Variants in RPS6KB1 observed in about 807,000 individuals in gnomAD.
The protein encoded by RPS6KB1 is ribosomal protein S6 kinase beta-1.
Under a neutral mutation model 70.2 loss-of-function variants are expected in RPS6KB1, and 12 were observed. The ratio of observed to expected loss-of-function variants is 0.17; its 90% CI spans 0.11 to 0.28. The LOEUF (loss-of-function observed/expected upper bound fraction) is 0.28, where lower values mean the gene tolerates loss of function less well. Among genes scored for constraint, RPS6KB1 ranks in the 10% least tolerant of loss-of-function variants. The probability of loss-of-function intolerance (pLI) is 1.00; values close to 1 mark genes in which losing one functional copy is unlikely to be tolerated. For missense variants in RPS6KB1, 270 were observed against 646.6 expected (o/e 0.42, Z 6.32); for synonymous variants, 175 against 211.2 (o/e 0.83, Z 1.49).
At chr17:59,894,423 T>G (rs776445387) in intron 1 of RPS6KB1, among the ~76,000 whole-genome samples, 2 of 152,184 alleles carry the variant, frequency 1.3e-5, no homozygotes, top group African/African-American at 4.8e-5. Flanking sequence ...GTTGAATACA[T>G]GGGTTAATGA....
At chr17:59,916,169 C>G (rs2042951718) in intron 4 of RPS6KB1, among the ~76,000 whole-genome samples, 1 of 151,960 alleles carries the variant, frequency 6.6e-6, no homozygotes, top group Admixed American at 6.6e-5. Flanking sequence ...GGCGTGATCT[C>G]AGCTCACTGC....
chr17:59,905,372 C>A (rs186733252), intron 1 of RPS6KB1, among the ~76,000 whole-genome samples: 2 of 152,018 alleles, frequency 1.3e-5, no homozygotes, highest in African/African-American at 2.4e-5. Flanking sequence ...TTCAGTAAAT[C>A]GATTTATTGA....
chr17:59,912,670 G>T lies in RPS6KB1; in HGVS notation c.192-14G>T. The T allele has an allele frequency of 1.2e-6, 2 of 1,602,954 alleles. No individual in the cohort carries two copies. The highest frequency in any genetic ancestry group is 2.2e-5 in the South Asian group (2 of 89,548). ...TTTTTGCAAATTTATTTTTGGTTTT[G>T]CTTTTCTTCCCAGTGGCATGGAACA... is the stretch of plus-strand genomic sequence containing the variant. On this transcript the variant is annotated splice_polypyrimidine_tract_variant and intron_variant, in intron 2 of 14. Transcript: ENST00000225577.
chr17:59,934,789 A>C lies in RPS6KB1; in HGVS notation c.870+265A>C, dbSNP rs1410306186. 6.9e-6 allele frequency: 3 copies of C among 436,162 alleles called. No homozygotes were observed. Among genetic ancestry groups the C allele is most frequent in the Non-Finnish European group, 4.1e-6 (1 of 245,852 alleles). 27.0% of individuals were successfully genotyped at this position (436,162 alleles called of 1,614,324 possible). A position where few individuals can be genotyped will look rare whatever the true frequency, so the allele number is the denominator to read the frequency against. ...ATGCCCTTATTTTATAAATGGAGAA[A>C]TTGAAGCATAAAATCACATAGCTCA... On this transcript the variant is annotated intron_variant, in intron 9 of 14. Coordinates refer to ENST00000225577, the MANE Select transcript of RPS6KB1 (RefSeq NM_003161.4). The surrounding 1 kb of genome is among the most constrained non-coding windows in gnomAD (Gnocchi z 4.8).
At chr17:59,899,259 G>C (rs543261658) in intron 1 of RPS6KB1, among the ~76,000 whole-genome samples, 1 of 151,776 alleles carries the variant, frequency 6.6e-6, no homozygotes, top group Non-Finnish European at 1.5e-5. Flanking sequence ...TTGTCAGTAT[G>C]TATTACATAA....
chr17:59,946,753 T>G lies in RPS6KB1; in HGVS notation c.1543T>G (p.Ser515Ala). ...CAAAAAACAAGCTTTTCCCATGATC[T>G]CCAAACGGCCAGAGCACCTGCGTAT... ...PYKKQAFPMISKRPEHLRMNL is the reference protein window; with the variant it reads ...PYKKQAFPMIAKRPEHLRMNL Residue 515 changes from serine to alanine, a missense_variant, in exon 15 of 15, where the codon TCC (serine) becomes GCC (alanine). This residue lies in a region of RPS6KB1 where 133 missense variants were observed against 314.7 expected (regional missense o/e 0.42). Transcript: ENST00000225577. The surrounding 1 kb of genome is among the most constrained non-coding windows in gnomAD (Gnocchi z 4.2). The G allele has an allele frequency of 6.2e-7, 1 of 1,614,012 alleles. No homozygotes were observed. Among genetic ancestry groups the G allele is most frequent in the Non-Finnish European group, 8.5e-7 (1 of 1,179,956 alleles).
intron 1 of RPS6KB1, among the ~76,000 whole-genome samples, chr17:59,904,497 A>T (rs1357910539): frequency 2.1e-5 from 3 of 139,790 alleles, no homozygotes; most frequent in Non-Finnish European, 4.7e-5. Flanking sequence ...GGGTTCAAGC[A>T]ATTCTCCTGC....
chr17:59,897,073 A>C lies in RPS6KB1; in HGVS notation c.141+3748A>C, dbSNP rs538839335. Among the ~76,000 whole-genome samples the C allele has an allele frequency of 2.0e-5, 3 of 152,354 alleles. No homozygotes were observed. The South Asian group carries it at 6.2e-4, about 32-fold the overall frequency. On this transcript the variant is annotated intron_variant, in intron 1 of 14. Transcript: ENST00000225577. Reference sequence around the variant, plus strand: ...TCCTCATTTTATAGTAAGGAAACTGAGGCATAGGCCATATGATAGCCAAAG... The same window carrying C: ...TCCTCATTTTATAGTAAGGAAACTGCGGCATAGGCCATATGATAGCCAAAG...
At chr17:59,903,429 C>G (rs1047181824) in intron 1 of RPS6KB1, among the ~76,000 whole-genome samples, 2 of 148,706 alleles carry the variant, frequency 1.3e-5, no homozygotes, top group African/African-American at 2.5e-5. Context: ...GAGCCATGAT[C>G]GCACCACTGC....
Position 59,938,699 on chromosome 17 carries a change from T to TTGTGTGTGTGTG in RPS6KB1, c.1120-2103_1120-2092dup, listed in dbSNP as rs58751297. On this transcript the variant is annotated intron_variant, in intron 12 of 14. Coordinates refer to ENST00000225577, the MANE Select transcript of RPS6KB1 (RefSeq NM_003161.4). ...TTGATCAGGAGGCATAATGTGTAGT[T>TTGTGTGTGTGTG]TGTGTGTGTGTGTGTGTGTGTGTGT... 1.5e-3 allele frequency among the ~76,000 whole-genome samples: 208 copies of TTGTGTGTGTGTG among 138,162 alleles called. 3 individuals carry two copies. The highest frequency in any genetic ancestry group is 9.0e-3 in the Admixed American group (122 of 13,486). 90.6% of individuals were successfully genotyped at this position (138,162 alleles called of 152,430 possible). A position where few individuals can be genotyped will look rare whatever the true frequency, so the allele number is the denominator to read the frequency against.
intron 4 of RPS6KB1, among the ~76,000 whole-genome samples, chr17:59,922,527 G>A (rs2043327070): frequency 7.5e-6 from 1 of 133,412 alleles, no homozygotes; most frequent in South Asian, 2.5e-4. Flanking sequence ...ATTGTCATTA[G>A]TCTGTAAAGA....
intron 2 of RPS6KB1, 150 bp downstream of exon 2, chr17:59,910,761 A>T: frequency 1.7e-6 from 1 of 590,094 alleles, no homozygotes; most frequent in Non-Finnish European, 3.0e-6. Flanking sequence ...TTGGCACCAA[A>T]ATCTGATCAA....
chr17:59,916,162 G>A lies in RPS6KB1; in HGVS notation c.381+1459G>A, dbSNP rs558963180. On this transcript the variant is annotated intron_variant, in intron 4 of 14. Coordinates refer to ENST00000225577, the MANE Select transcript of RPS6KB1 (RefSeq NM_003161.4). Reference sequence around the variant, plus strand: ...GTTGCCCAGGCTGGAGTGCAGTGGCGTGATCTCAGCTCACTGCAACCTCCA... The same window carrying A: ...GTTGCCCAGGCTGGAGTGCAGTGGCATGATCTCAGCTCACTGCAACCTCCA... Among the ~76,000 whole-genome samples, 5 of 151,390 alleles carry A rather than the reference G, an allele frequency of 3.3e-5. No individual in the cohort carries two copies. The South Asian group carries it at 6.3e-4, about 19-fold the overall frequency.
At chr17:59,904,545 C>T (rs1235937065) in intron 1 of RPS6KB1, among the ~76,000 whole-genome samples, 4 of 151,376 alleles carry the variant, frequency 2.6e-5, no homozygotes, top group African/African-American at 9.7e-5. Flanking sequence ...AGGTGCCCAT[C>T]ACCACGCCCA....
At chr17:59,938,057 T>C (rs190813040) in intron 12 of RPS6KB1, among the ~76,000 whole-genome samples, 2 of 151,762 alleles carry the variant, frequency 1.3e-5, no homozygotes, top group African/African-American at 4.8e-5. Flanking sequence ...ACTGCCCAGC[T>C]TAAAAAATGA....
intron 10 of RPS6KB1, 82 bp downstream of exon 10, chr17:59,935,382 TAAAG>T: frequency 1.4e-6 from 1 of 722,978 alleles, no homozygotes; most frequent in Middle Eastern, 2.4e-4. Flanking sequence ...ATATTTTGAA[TAAAG>T]AGTCATATAT....
chr17:59,926,321 T>C (rs1029281284), intron 4 of RPS6KB1, 114 bp from the exon 5 acceptor site: 1 of 770,180 alleles, frequency 1.3e-6, no homozygotes, highest in East Asian at 2.8e-5. Flanking sequence ...GTGGGAACTA[T>C]GGTTAATAGT....
rs1442529397 is a variant in RPS6KB1, at chr17:59,934,996, A to G, written c.871-197A>G. ...GAGCTAAGGATTATTAATAGAATCT[A>G]GCCTTGACAACATAGTTGAGACCCT... On this transcript the variant is annotated intron_variant, in intron 9 of 14. Coordinates refer to ENST00000225577, the MANE Select transcript of RPS6KB1 (RefSeq NM_003161.4). This position sits in a 1 kb window ranked among gnomAD's most constrained non-coding sequence, Gnocchi z 4.8. 1.0e-5 allele frequency: 5 copies of G among 485,142 alleles called. No homozygotes were observed. The Admixed American group carries it at 1.8e-4, about 17-fold the overall frequency. 30.1% of individuals were successfully genotyped at this position (485,142 alleles called of 1,614,324 possible). A position where few individuals can be genotyped will look rare whatever the true frequency, so the allele number is the denominator to read the frequency against.
rs1261927439 is a variant in RPS6KB1 at position 59,908,226 on chromosome 17, T to TG, written c.142-2336_142-2335insG. Among the ~76,000 whole-genome samples, 41 of 151,748 alleles carry TG rather than the reference T, an allele frequency of 2.7e-4. 1 individual carries two copies. Among genetic ancestry groups the TG allele is most frequent in the South Asian group, 1.5e-3 (7 of 4,814 alleles). On this transcript the variant is annotated intron_variant, in intron 1 of 14. Coordinates refer to ENST00000225577, the MANE Select transcript of RPS6KB1 (RefSeq NM_003161.4). ...TTTTTTTTTTGAGATGGAGTCTCAC[T>TG]CTGTCACTTAGGCTGGAGTGCAGTG...
Sources: gnomAD v4.1 joint callset for allele counts (sites outside exome capture counted in the v4.1 genomes callset) on GRCh38, gnomAD v4.1.1 for gene constraint, gnomAD v4.1.1 regional missense constraint, Gnocchi (gnomAD v3.1) non-coding constraint, MANE v1.5 for transcripts, NCBI Gene and HGNC (gene_info 2026-07-23, HGNC 2026-07-21) for gene names.